The following MAST2 variants were observed in gnomAD, a reference collection of about 807,000 sequenced individuals.
MAST2 encodes microtubule-associated serine/threonine-protein kinase 2.
A neutral mutation model predicts 147.4 loss-of-function variants in MAST2; 70 were observed. That is an observed-to-expected ratio of 0.47 (90% CI 0.39 to 0.58). The LOEUF (loss-of-function observed/expected upper bound fraction) is 0.58, where lower values mean the gene tolerates loss of function less well. Ranked by LOEUF, MAST2 falls within the 20% of genes least tolerant of loss-of-function variation. The probability of loss-of-function intolerance (pLI) is 0.00; values close to 1 mark genes in which losing one functional copy is unlikely to be tolerated. For synonymous variants in MAST2, 869 were observed against 896.8 expected (o/e 0.97, Z 0.55); for missense variants, 2,080 against 2,302.3 (o/e 0.90, Z 1.98).
chr1:45,982,298 C>T (rs967580720), intron 5 of MAST2, among the ~76,000 whole-genome samples: 10 of 152,136 alleles, frequency 6.6e-5, no homozygotes, highest in Non-Finnish European at 4.4e-5. Flanking sequence ...CTCTGAAAAC[C>T]TTGGAATTTC....
At chr1:46,008,442 G>C in intron 9 of MAST2, 71 bp downstream of exon 9, 1 of 962,384 alleles carries the variant, frequency 1.0e-6, no homozygotes, top group Non-Finnish European at 1.7e-6. Flanking sequence ...CCCAATGGGA[G>C]ACTCTGGAGT....
At chr1:45,896,687 A>ACT (rs1206955080) in intron 4 of MAST2, among the ~76,000 whole-genome samples, 1 of 152,214 alleles carries the variant, frequency 6.6e-6, no homozygotes, top group African/African-American at 2.4e-5. Flanking sequence ...CAACATTCTA[A>ACT]CAAAAGACTG....
At chr1:46,004,639 G>T (rs566920584) in intron 7 of MAST2, among the ~76,000 whole-genome samples, 1 of 152,124 alleles carries the variant, frequency 6.6e-6, no homozygotes. Flanking sequence ...CATCTCACTC[G>T]CTGTTTATAA....
At chr1:45,818,748 G>A (rs1644531856) in intron 1 of MAST2, among the ~76,000 whole-genome samples, 1 of 152,166 alleles carries the variant, frequency 6.6e-6, no homozygotes, top group Admixed American at 6.5e-5. Context: ...ACAGTTGTTA[G>A]CAGTTCCTCT....
intron 5 of MAST2, among the ~76,000 whole-genome samples, chr1:45,972,632 T>A (rs1448171918): frequency 1.3e-5 from 2 of 152,174 alleles, no homozygotes; most frequent in Non-Finnish European, 2.9e-5. Flanking sequence ...TCATTATCCC[T>A]TACTCCTGTT....
chr1:46,027,922 TGTCTTACGCCC>T, intron 17 of MAST2, 59 bp downstream of exon 17: 1 of 1,596,406 alleles, frequency 6.3e-7, no homozygotes, highest in Non-Finnish European at 8.6e-7. Context: ...CCTGGCGCAG[TGTCTTACGCCC>T]GTAATCCCAA....
chr1:45,964,175 C>G (rs1165558619), intron 5 of MAST2, among the ~76,000 whole-genome samples: 1 of 152,094 alleles, frequency 6.6e-6, no homozygotes, highest in African/African-American at 2.4e-5. Flanking sequence ...GTCTAAAATT[C>G]TCTTTTTTTG....
chr1:45,869,446 C>G (rs1193218325), intron 3 of MAST2, among the ~76,000 whole-genome samples: 1 of 152,158 alleles, frequency 6.6e-6, no homozygotes, highest in Non-Finnish European at 1.5e-5. Context: ...AAATCTAGAT[C>G]ACAAATTGGT....
intron 5 of MAST2, among the ~76,000 whole-genome samples, chr1:45,987,833 C>T (rs1644709537): frequency 9.4e-6 from 1 of 106,186 alleles, no homozygotes; most frequent in African/African-American, 3.7e-5. Flanking sequence ...GACCAAGTCT[C>T]ACTATGTTGC....
intron 3 of MAST2, among the ~76,000 whole-genome samples, chr1:45,844,596 TTAA>T (rs1230761436): frequency 6.6e-6 from 1 of 152,154 alleles, no homozygotes; most frequent in Non-Finnish European, 1.5e-5. Context: ...ATTTTTATTT[TTAA>T]ACTTTTTGTA....
chr1:45,985,069 T>C (rs1004958304), intron 5 of MAST2, among the ~76,000 whole-genome samples: 2 of 152,180 alleles, frequency 1.3e-5, no homozygotes, highest in African/African-American at 4.8e-5. Flanking sequence ...AAATTTCTCT[T>C]TTTTTGAGAC....
At chr1:45,867,798 A>T (rs1271851207) in intron 3 of MAST2, among the ~76,000 whole-genome samples, 1 of 152,212 alleles carries the variant, frequency 6.6e-6, no homozygotes, top group Non-Finnish European at 1.5e-5. Flanking sequence ...TCTGAACTAC[A>T]AGTAACAGAA....
intron 4 of MAST2, among the ~76,000 whole-genome samples, chr1:45,900,069 C>T (rs1021523423): frequency 1.3e-5 from 2 of 148,398 alleles, no homozygotes. Context: ...GCTTGGGAGG[C>T]TGAGGCAGAA....
At chr1:45,818,574 G>A (rs6700597) in intron 1 of MAST2, among the ~76,000 whole-genome samples, 67,691 of 152,064 alleles carry the variant, frequency 0.45, 15,277 homozygotes, top group East Asian at 0.62. Flanking sequence ...AATGCTGAAT[G>A]ACTGTAGGAT....
chr1:46,029,669 C>G, intron 19 of MAST2, 102 bp downstream of exon 19: 1 of 1,378,090 alleles, frequency 7.3e-7, no homozygotes, highest in Non-Finnish European at 1.0e-6. Context: ...GGCAGCCCCT[C>G]TGGATCCTGA....
rs539577205 is a variant in MAST2 at position 46,035,418 on chromosome 1, C to T, written c.4749C>T (p.Leu1583=). 2.0e-5 allele frequency: 33 copies of T among 1,612,238 alleles called. No individual in the cohort carries two copies. The highest frequency in any genetic ancestry group is 4.5e-5 in the East Asian group (2 of 44,770). The change falls in exon 29 of 29, where the codon CTC becomes CTT. Residue 1583 remains leucine, a synonymous_variant. Transcript: ENST00000361297. The surrounding 1 kb of genome is among the most constrained non-coding windows in gnomAD (Gnocchi z 5.5). The stretch of plus-strand genomic sequence containing the variant: ...GTCCCAGTGGTCCCCACAGGAGGCT[C>T]GGGAGCCCACAAGCCATTGAGGAGG... ...MESPSGPHRR[L]GSPQAIEEAA...
chr1:45,977,416 A>T (rs2149032661), intron 5 of MAST2, among the ~76,000 whole-genome samples: 1 of 152,124 alleles, frequency 6.6e-6, no homozygotes, highest in African/African-American at 2.4e-5. Flanking sequence ...TGAACCCGGG[A>T]GGTGGAGGTT....
intron 3 of MAST2, among the ~76,000 whole-genome samples, chr1:45,877,796 T>C (rs918297515): frequency 4.6e-5 from 7 of 152,254 alleles, no homozygotes; most frequent in East Asian, 3.9e-4. Context: ...AATTGTGATA[T>C]AAAAATCTGA....
At chr1:45,966,846 T>C (rs1661285843) in intron 5 of MAST2, among the ~76,000 whole-genome samples, 1 of 147,556 alleles carries the variant, frequency 6.8e-6, no homozygotes, top group Admixed American at 6.9e-5. Context: ...GTGGTGTCAG[T>C]GTGTGGATCT....
Sources: gnomAD v4.1 joint callset for allele counts (sites outside exome capture counted in the v4.1 genomes callset) on GRCh38, gnomAD v4.1.1 for gene constraint, Gnocchi (gnomAD v3.1) non-coding constraint, MANE v1.5 for transcripts, NCBI Gene and HGNC (gene_info 2026-07-23, HGNC 2026-07-21) for gene names.